ZNF730: variants seen among roughly 807,000 people sequenced by gnomAD.
ZNF730 encodes zinc finger protein 730.
A neutral mutation model predicts 12.6 loss-of-function variants in ZNF730; 12 were observed. That is an observed-to-expected ratio of 0.95 (90% CI 0.61 to 1.54). ZNF730 has a LOEUF of 1.54. Among genes scored for constraint, ZNF730 ranks in the 40% most tolerant of loss-of-function variants. The pLI is 0.00. For missense variants in ZNF730, 643 were observed against 583.5 expected (o/e 1.10, Z -1.05); for synonymous variants, 194 against 195.8 (o/e 0.99, Z 0.08).
At chr19:23,134,617 C>G (rs545564931) in intron 2 of ZNF730, among the ~76,000 whole-genome samples, 5 of 145,124 alleles carry the variant, frequency 3.4e-5, no homozygotes, top group Admixed American at 1.3e-4. Flanking sequence ...GTCAGCCCCC[C>G]GCCCGGCCAG....
In ZNF730 at chr19:23,129,034, T is replaced by G. The variant is rs114654107; in HGVS notation, c.4-5046T>G. Among the ~76,000 whole-genome samples, 1,372 of 152,182 alleles carry G rather than the reference T, an allele frequency of 9.0e-3. 28 individuals carry two copies. The highest frequency in any genetic ancestry group is 0.032 in the African/African-American group (1,317 of 41,514). ...TTCCATATTGTGTTGAGCCTGTGGG[T>G]TCACGGAAGTCAAGAATTGAGGTTT... On this transcript the variant is annotated intron_variant, in intron 1 of 3. Coordinates refer to ENST00000597761, the MANE Select transcript of ZNF730 (RefSeq NM_001277403.2).
At chr19:23,088,265 C>T (rs1970099619) in intron 1 of ZNF730, among the ~76,000 whole-genome samples, 1 of 151,894 alleles carries the variant, frequency 6.6e-6, no homozygotes, top group Non-Finnish European at 1.5e-5. Flanking sequence ...GGTGATCTGC[C>T]CGCCTTGGCC....
At chr19:23,140,085 A>G (rs545995531) in intron 3 of ZNF730, among the ~76,000 whole-genome samples, 4 of 150,170 alleles carry the variant, frequency 2.7e-5, no homozygotes, top group East Asian at 3.9e-4. Context: ...GTGTGTGTGT[A>G]TGTGTGTATC....
At position 23,145,753 on chromosome 19, in the gene ZNF730, T is replaced by G; in HGVS notation, c.709T>G (p.Phe237Val). Reference sequence around the variant, plus strand: ...CAAATGTAAAGAATGTGGCAAAGCCTTTAACTGGTTTTCACATTTTACTAC... The same window carrying G: ...CAAATGTAAAGAATGTGGCAAAGCCGTTAACTGGTTTTCACATTTTACTAC... ...PYKCKECGKA[F>V]NWFSHFTTHK... Residue 237 changes from phenylalanine to valine, a missense_variant, in exon 4 of 4, where the codon TTT (phenylalanine) becomes GTT (valine). Transcript: ENST00000597761. 6.4e-7 allele frequency: 1 copy of G among 1,566,446 alleles called. No homozygotes were observed. The highest frequency in any genetic ancestry group is 8.6e-7 in the Non-Finnish European group (1 of 1,157,582).
intron 1 of ZNF730, chr19:23,127,668 G>T (rs1426455661): frequency 1.6e-6 from 2 of 1,215,010 alleles, no homozygotes; most frequent in Admixed American, 1.7e-5. Flanking sequence ...ACTTTATTCC[G>T]CTCACTAAGA....
intron 1 of ZNF730, among the ~76,000 whole-genome samples, chr19:23,093,682 A>G (rs957500936): frequency 2.0e-4 from 31 of 152,180 alleles, no homozygotes; most frequent in Non-Finnish European, 4.6e-4. Flanking sequence ...GCCCAGAGGT[A>G]GCCGTCTTGG....
chr19:23,101,112 C>G (rs1054257271), intron 1 of ZNF730, among the ~76,000 whole-genome samples: 4 of 152,340 alleles, frequency 2.6e-5, no homozygotes, highest in Non-Finnish European at 5.9e-5. Flanking sequence ...GATTACCACT[C>G]TTGCATATTG....
intron 1 of ZNF730, chr19:23,095,142 AC>A: frequency 2.7e-6 from 1 of 374,750 alleles, no homozygotes; most frequent in Non-Finnish European, 4.7e-6. Context: ...ATATCACTGG[AC>A]CCAGCACTGA....
At chr19:23,104,803 A>G (rs1295961359) in intron 1 of ZNF730, among the ~76,000 whole-genome samples, 2 of 152,168 alleles carry the variant, frequency 1.3e-5, no homozygotes, top group Non-Finnish European at 2.9e-5. Context: ...ATCCTTGTCT[A>G]CACAGTCTCT....
At chr19:23,116,207 T>C (rs566335215), upstream of ZNF730, among the ~76,000 whole-genome samples, 1 of 152,360 alleles carries the variant, frequency 6.6e-6, no homozygotes, top group South Asian at 2.1e-4. Context: ...CATAGAGTTT[T>C]CTTCCCCTGT....
chr19:23,109,313 C>G (rs1423204024), intron 1 of ZNF730, among the ~76,000 whole-genome samples: 1 of 151,452 alleles, frequency 6.6e-6, no homozygotes, highest in Non-Finnish European at 1.5e-5. Context: ...CACTGCAACC[C>G]CGCCTCCCAG....
At chr19:23,126,459 C>T in intron 1 of ZNF730, 1 of 320,116 alleles carries the variant, frequency 3.1e-6, no homozygotes, top group South Asian at 3.2e-5. Flanking sequence ...TCCATTTTGT[C>T]AGCTGTTTTT....
intron 1 of ZNF730, among the ~76,000 whole-genome samples, chr19:23,118,363 T>TTTG (rs1369564892): frequency 2.3e-5 from 3 of 128,364 alleles, no homozygotes; most frequent in African/African-American, 1.1e-4. Flanking sequence ...AAGTTTGTTT[T>TTTG]TTGTTTTTTT....
chr19:23,129,850 C>T (rs1456076879), intron 1 of ZNF730, among the ~76,000 whole-genome samples: 1 of 151,692 alleles, frequency 6.6e-6, no homozygotes, highest in Non-Finnish European at 1.5e-5. Flanking sequence ...AAAAATTAGC[C>T]GGATGTGGTG....
intron 1 of ZNF730, among the ~76,000 whole-genome samples, chr19:23,077,424 C>CTTTTTTTTTTTTTTTTTTTTTTTTTTTTT (rs71163442): frequency 2.2e-5 from 1 of 45,552 alleles, no homozygotes; most frequent in Non-Finnish European, 3.7e-5. Context: ...TCCCTAAGAG[C>CTTTTTTTTTTTTTTTTTTTTTTTTTTTTT]TTTTTTTTTT....
intron 1 of ZNF730, among the ~76,000 whole-genome samples, chr19:23,094,368 ATCTATCTATCTATCTATCTATCTG>A (rs943185016): frequency 7.1e-5 from 10 of 140,178 alleles, no homozygotes; most frequent in African/African-American, 2.6e-4. Flanking sequence ...CTATCTATCT[ATCTATCTATCTATCTATCTATCTG>A]TCTATCTGTC....
At chr19:23,092,977 A>G (rs761363539) in intron 1 of ZNF730, among the ~76,000 whole-genome samples, 1 of 151,938 alleles carries the variant, frequency 6.6e-6, no homozygotes, top group Non-Finnish European at 1.5e-5. Flanking sequence ...CTTCTCCTCA[A>G]TTGTTTTTTT....
rs557970004 is a variant in ZNF730, at chr19:23,081,274, A to G, written c.-94+5887A>G. Among the ~76,000 whole-genome samples the G allele has an allele frequency of 7.2e-5, 11 of 151,820 alleles. No individual in the cohort carries two copies. In the East Asian group the frequency reaches 2.0e-3, roughly 27 times the overall value. On this transcript the variant is annotated intron_variant, in intron 1 of 2. Transcript: ENST00000593635. The stretch of plus-strand genomic sequence containing the variant: ...ATTCTCGTGCCTGAACCTCCTGAGC[A>G]GCTTGGATTACAGGCATTTGCCACC...
intron 1 of ZNF730, among the ~76,000 whole-genome samples, chr19:23,089,810 A>G (rs1970126257): frequency 6.6e-6 from 1 of 152,198 alleles, no homozygotes; most frequent in South Asian, 2.1e-4. Context: ...TGTGGAAGCG[A>G]TTTTGGAACT....
Sources: allele counts gnomAD v4.1 joint callset (sites outside exome capture counted in the v4.1 genomes callset), GRCh38; gene constraint gnomAD v4.1.1; transcripts MANE v1.5; gene names NCBI Gene and HGNC (gene_info 2026-07-23, HGNC 2026-07-21).